Variants in TBC1D19 observed in about 807,000 individuals in gnomAD.
The protein encoded by TBC1D19 is TBC1 domain family member 19, also known as TBC1 domain family, member 19.
A neutral mutation model predicts 89.0 loss-of-function variants in TBC1D19; 60 were observed. That is an observed-to-expected ratio of 0.67 (90% confidence interval 0.55 to 0.84). The LOEUF (loss-of-function observed/expected upper bound fraction) is 0.84, where lower values mean the gene tolerates loss of function less well. Ranked by LOEUF, TBC1D19 falls within the 40% of genes least tolerant of loss-of-function variation. The pLI is 0.00. For missense variants in TBC1D19, 500 were observed against 610.8 expected (o/e 0.82, Z 1.91); for synonymous variants, 189 against 199.7 (o/e 0.95, Z 0.45).
At chr4:26,717,299 C>G (rs1375230476) in intron 13 of TBC1D19, among the ~76,000 whole-genome samples, 1 of 152,050 alleles carries the variant, frequency 6.6e-6, no homozygotes, top group East Asian at 1.9e-4. Flanking sequence ...GGGTCTTGGA[C>G]TGCTGCTCCC....
At chr4:26,652,004 C>G (rs1744424843) in intron 7 of TBC1D19, among the ~76,000 whole-genome samples, 1 of 152,030 alleles carries the variant, frequency 6.6e-6, no homozygotes, top group South Asian at 2.1e-4. Flanking sequence ...TGTTTATATG[C>G]TGGATTACAT....
chr4:26,606,110 A>G (rs370625753), intron 1 of TBC1D19, among the ~76,000 whole-genome samples: 4 of 152,258 alleles, frequency 2.6e-5, no homozygotes, highest in South Asian at 2.1e-4. Flanking sequence ...CAGCCTCCCC[A>G]GTAGCTGGGA....
chr4:26,731,247 G>A (rs149503588), intron 15 of TBC1D19, among the ~76,000 whole-genome samples: 13 of 152,234 alleles, frequency 8.5e-5, no homozygotes, highest in African/African-American at 3.1e-4. Flanking sequence ...TTAAAATTAT[G>A]AAGGAGTAGG....
intron 1 of TBC1D19, among the ~76,000 whole-genome samples, chr4:26,605,010 A>G (rs1740891872): frequency 6.6e-6 from 1 of 152,036 alleles, no homozygotes; most frequent in African/African-American, 2.4e-5. Context: ...TATGAACTCT[A>G]TGTTTAATAT....
At chr4:26,776,220 T>A in the TBC1D19 span, among the ~76,000 whole-genome samples, 2 of 152,186 alleles carry the variant, frequency 1.3e-5, no homozygotes, top group East Asian at 3.8e-4. Flanking sequence ...CCTTTTCAGG[T>A]GCTCAGAGGT....
At chr4:26,819,770 C>T in the TBC1D19 span, among the ~76,000 whole-genome samples, 1 of 152,158 alleles carries the variant, frequency 6.6e-6, no homozygotes, top group Non-Finnish European at 1.5e-5. Flanking sequence ...TCTCAGACAC[C>T]TTTCTGACTT....
chr4:26,725,364 T>G (rs1300907942), intron 15 of TBC1D19, among the ~76,000 whole-genome samples: 1 of 152,180 alleles, frequency 6.6e-6, no homozygotes, highest in African/African-American at 2.4e-5. Flanking sequence ...ACTCCACTCT[T>G]CTCAGTGACA....
intron 9 of TBC1D19, among the ~76,000 whole-genome samples, chr4:26,669,097 A>T (rs1174406103): frequency 6.6e-6 from 1 of 151,716 alleles, no homozygotes; most frequent in Non-Finnish European, 1.5e-5. Context: ...AGCCTTCATG[A>T]TAAAGGAGGT....
At chr4:26,747,926 T>C (rs1718741265) in intron 18 of TBC1D19, among the ~76,000 whole-genome samples, 1 of 152,210 alleles carries the variant, frequency 6.6e-6, no homozygotes. Context: ...TTTGTCCTTA[T>C]ACTCATACTT....
Position 26,620,635 on chromosome 4 carries a change from G to T in TBC1D19, c.241G>T (p.Ala81Ser), listed in dbSNP as rs147829007. ...LSVFPLPSHP[A>S]APPEHLKEPL... ...TAGGTTTCCTTTACCTAGTCATCCT[G>T]CTGCACCTCCTGAACATCTTAAAGA... The change falls in exon 4 of 21, where the codon GCT (alanine) becomes TCT (serine). Residue 81 changes from alanine to serine, a missense_variant. By Grantham distance (99) the Ala-to-Ser change is moderately conservative (BLOSUM62 1). This residue lies in a region of TBC1D19 where 280 missense variants were observed against 291.7 expected (regional missense o/e 0.96). Coordinates refer to ENST00000264866, the MANE Select transcript of TBC1D19 (RefSeq NM_018317.4). 135 of 1,613,522 alleles carry T rather than the reference G, an allele frequency of 8.4e-5. No individual in the cohort carries two copies. Among genetic ancestry groups the T allele is most frequent in the Admixed American group, 1.7e-4 (10 of 59,954 alleles).
chr4:26,777,646 G>T, the TBC1D19 span, among the ~76,000 whole-genome samples: 16 of 151,694 alleles, frequency 1.1e-4, no homozygotes, highest in Non-Finnish European at 2.1e-4. Flanking sequence ...ACAGGGTTTT[G>T]CAGTGTTGGC....
chr4:26,630,072 T>A (rs1021213482), intron 4 of TBC1D19, among the ~76,000 whole-genome samples: 3 of 151,728 alleles, frequency 2.0e-5, no homozygotes, highest in Non-Finnish European at 2.9e-5. Flanking sequence ...GCTATTTGTT[T>A]AATATATGGT....
chr4:26,812,383 T>A, the TBC1D19 span, among the ~76,000 whole-genome samples: 2 of 152,342 alleles, frequency 1.3e-5, no homozygotes. The surrounding 1 kb of genome is among the most constrained non-coding windows in gnomAD (Gnocchi z 4.2). Flanking sequence ...CAGGAATGCC[T>A]GCCAACGCAA....
chr4:26,648,264 AG>A (rs1228542613), intron 7 of TBC1D19, among the ~76,000 whole-genome samples: 1 of 152,186 alleles, frequency 6.6e-6, no homozygotes, highest in Non-Finnish European at 1.5e-5. Flanking sequence ...CCAAGACACA[AG>A]TTTTTTGAGG....
chr4:26,684,946 G>A (rs867331399), intron 12 of TBC1D19, among the ~76,000 whole-genome samples: 22 of 152,028 alleles, frequency 1.4e-4, no homozygotes, highest in East Asian at 1.9e-4. Flanking sequence ...GTTTTTCTGC[G>A]GAAAAACTTG....
chr4:26,809,903 A>T, the TBC1D19 span, among the ~76,000 whole-genome samples: 1 of 152,204 alleles, frequency 6.6e-6, no homozygotes, highest in African/African-American at 2.4e-5. Context: ...ACATTATTCC[A>T]TCTGAATAAC....
chr4:26,728,136 G>T (rs930392911), intron 15 of TBC1D19, among the ~76,000 whole-genome samples: 1 of 152,172 alleles, frequency 6.6e-6, no homozygotes, highest in African/African-American at 2.4e-5. Context: ...AGCAGATCCT[G>T]AATAAGTATT....
At chr4:26,703,796 A>C (rs979293843) in intron 13 of TBC1D19, among the ~76,000 whole-genome samples, 1 of 150,714 alleles carries the variant, frequency 6.6e-6, no homozygotes, top group African/African-American at 2.4e-5. Flanking sequence ...TACTAAAAAT[A>C]CAAAAAAAAA....
chr4:26,595,741 C>T (rs1360313700), intron 1 of TBC1D19, among the ~76,000 whole-genome samples: 1 of 151,486 alleles, frequency 6.6e-6, no homozygotes, highest in Non-Finnish European at 1.5e-5. Flanking sequence ...ATTGCCTTTA[C>T]TCATTTGTCA....
Sources: gnomAD v4.1 joint callset for allele counts (sites outside exome capture counted in the v4.1 genomes callset) on GRCh38, gnomAD v4.1.1 for gene constraint, gnomAD v4.1.1 regional missense constraint, Gnocchi (gnomAD v3.1) non-coding constraint, MANE v1.5 for transcripts, NCBI Gene and HGNC (gene_info 2026-07-23, HGNC 2026-07-21) for gene names.